The following GAS7 variants were observed in gnomAD, a reference collection of about 807,000 sequenced individuals.
The protein encoded by GAS7 is growth arrest specific 7.
In GAS7, 28 loss-of-function variants were observed where a neutral mutation model predicts 71.1. The observed-to-expected ratio is 0.39, with a 90% confidence interval of 0.29 to 0.54. The LOEUF (loss-of-function observed/expected upper bound fraction) is 0.54, where lower values mean the gene tolerates loss of function less well. Among genes scored for constraint, GAS7 ranks in the 20% least tolerant of loss-of-function variants. The pLI, the probability that GAS7 is intolerant of heterozygous loss-of-function variation, is 0.62. For missense variants in GAS7, 436 were observed against 627.8 expected (o/e 0.69, Z 3.27); for synonymous variants, 258 against 245.8 (o/e 1.05, Z -0.46).
At position 10,150,591 on chromosome 17, in the gene GAS7, C is replaced by T. The variant is rs117912545; in HGVS notation, c.183+47617G>A. Among the ~76,000 whole-genome samples the T allele has an allele frequency of 1.9e-3, 231 of 118,798 alleles. No homozygotes were observed. In the Middle Eastern group the frequency reaches 0.028, roughly 14 times the overall value. 77.9% of individuals were successfully genotyped at this position (118,798 alleles called of 152,430 possible). A position where few individuals can be genotyped will look rare whatever the true frequency, so the allele number is the denominator to read the frequency against. On this transcript the variant is annotated intron_variant, in intron 1 of 13. Coordinates refer to ENST00000432992, the MANE Select transcript of GAS7 (RefSeq NM_201433.2). ...ACTCAGTAATGAGGCTGTTACATTTCTTTTTTTTTTTTTTTTAGACAGGGT... is the reference window on the plus strand; with the variant it reads ...ACTCAGTAATGAGGCTGTTACATTTTTTTTTTTTTTTTTTTTAGACAGGGT...
At chr17:9,936,521 G>A (rs1406513079) in intron 8 of GAS7, among the ~76,000 whole-genome samples, 1 of 152,156 alleles carries the variant, frequency 6.6e-6, no homozygotes, top group Non-Finnish European at 1.5e-5. Context: ...CTCCAGGCCA[G>A]ACACTGCTAA....
chr17:10,191,034 G>T (rs1207272858), intron 1 of GAS7, among the ~76,000 whole-genome samples: 1 of 151,996 alleles, frequency 6.6e-6, no homozygotes, highest in Non-Finnish European at 1.5e-5. Context: ...AACTAGCCGG[G>T]TGTGGTGGCG....
chr17:10,111,588 G>A (rs899942772), intron 1 of GAS7, among the ~76,000 whole-genome samples: 5 of 151,968 alleles, frequency 3.3e-5, no homozygotes, highest in Admixed American at 6.6e-5. Flanking sequence ...GGAGGCTGAG[G>A]CAGGAGAATC....
At chr17:10,196,458 TGA>T (rs1468590123) in intron 1 of GAS7, among the ~76,000 whole-genome samples, 1 of 152,208 alleles carries the variant, frequency 6.6e-6, no homozygotes, top group Non-Finnish European at 1.5e-5. Context: ...AGGAATGGTC[TGA>T]GAGGCCCTGA....
chr17:10,005,497 A>G (rs2071494490), intron 2 of GAS7, among the ~76,000 whole-genome samples: 1 of 136,476 alleles, frequency 7.3e-6, no homozygotes, highest in Non-Finnish European at 1.5e-5. Context: ...AGCCCAGTTG[A>G]GTATTAAAAA....
chr17:10,121,140 C>A (rs921952333), intron 1 of GAS7, among the ~76,000 whole-genome samples: 9 of 152,034 alleles, frequency 5.9e-5, no homozygotes, highest in African/African-American at 2.2e-4. Flanking sequence ...CAGCACTTTG[C>A]GAGGCCGAGG....
intron 6 of GAS7, 26 bp downstream of exon 6, chr17:9,946,868 G>A: frequency 1.3e-6 from 2 of 1,519,368 alleles, no homozygotes; most frequent in Non-Finnish European, 1.8e-6. Flanking sequence ...GGGTCACGCT[G>A]TGGGGGAAAC....
intron 1 of GAS7, among the ~76,000 whole-genome samples, chr17:10,096,678 T>C (rs1364719309): frequency 6.6e-6 from 1 of 152,266 alleles, no homozygotes; most frequent in Non-Finnish European, 1.5e-5. Flanking sequence ...CTCCATTTCA[T>C]GGGGCTTCAT....
At chr17:10,073,344 G>A (rs2073360220) in intron 1 of GAS7, among the ~76,000 whole-genome samples, 2 of 152,134 alleles carry the variant, frequency 1.3e-5, no homozygotes, top group African/African-American at 2.4e-5. Context: ...AAAGTCAAGG[G>A]GCACTCCTCC....
intron 3 of GAS7, among the ~76,000 whole-genome samples, chr17:9,975,405 T>C (rs2152123383): frequency 6.6e-6 from 1 of 152,166 alleles, no homozygotes; most frequent in South Asian, 2.1e-4. Flanking sequence ...GCTGAAGCCC[T>C]GGTTCTTGAA....
intron 1 of GAS7, among the ~76,000 whole-genome samples, chr17:10,183,426 C>T (rs2074430421): frequency 6.6e-6 from 1 of 152,172 alleles, no homozygotes; most frequent in African/African-American, 2.4e-5. Flanking sequence ...CAGCATCCAA[C>T]TATGATCACC....
chr17:10,077,787 T>C (rs1597777710), intron 1 of GAS7, among the ~76,000 whole-genome samples: 1 of 152,138 alleles, frequency 6.6e-6, no homozygotes, highest in South Asian at 2.1e-4. Flanking sequence ...AGGAAGCTAC[T>C]GCAGGGTGTG....
chr17:9,996,930 G>A (rs1467921558), intron 2 of GAS7, among the ~76,000 whole-genome samples: 3 of 150,858 alleles, frequency 2.0e-5, no homozygotes, highest in African/African-American at 5.0e-5. Context: ...ATGAGCCACC[G>A]CGCCAGGCCA....
At chr17:10,035,384 G>A (rs1180712954) in intron 1 of GAS7, among the ~76,000 whole-genome samples, 5 of 152,162 alleles carry the variant, frequency 3.3e-5, no homozygotes, top group African/African-American at 1.2e-4. Context: ...CCCAGCACCG[G>A]ATCTTACATT....
At chr17:10,046,692 C>A (rs180746589) in intron 1 of GAS7, among the ~76,000 whole-genome samples, 1 of 145,644 alleles carries the variant, frequency 6.9e-6, no homozygotes, top group African/African-American at 2.6e-5. Context: ...GCCGAGATCA[C>A]GCCACTGCAC....
intron 1 of GAS7, among the ~76,000 whole-genome samples, chr17:10,087,687 G>A (rs2073534478): frequency 6.6e-6 from 1 of 152,244 alleles, no homozygotes; most frequent in Non-Finnish European, 1.5e-5. Context: ...CTGCAATGGG[G>A]TCCTGGGGGA....
chr17:10,023,523 C>T (rs1283639266), intron 1 of GAS7, among the ~76,000 whole-genome samples: 1 of 152,058 alleles, frequency 6.6e-6, no homozygotes, highest in East Asian at 1.9e-4. Context: ...AAAATGGAGC[C>T]GTGATACATG....
intron 1 of GAS7, among the ~76,000 whole-genome samples, chr17:10,119,211 A>G (rs1287239339): frequency 2.6e-5 from 4 of 152,224 alleles, no homozygotes; most frequent in Non-Finnish European, 5.9e-5. Context: ...GGAATAGAAC[A>G]TGGTAAAGGG....
intron 1 of GAS7, among the ~76,000 whole-genome samples, chr17:10,159,098 T>TATATATATATATATATATATATA (rs1555538321): frequency 8.8e-5 from 4 of 45,508 alleles, no homozygotes; most frequent in South Asian, 8.0e-4. Context: ...ATATATATAT[T>TATATATATATATATATATATATA]AAAGATAACA....
Sources: allele counts gnomAD v4.1 joint callset (sites outside exome capture counted in the v4.1 genomes callset), GRCh38; gene constraint gnomAD v4.1.1; transcripts MANE v1.5; gene names NCBI Gene and HGNC (gene_info 2026-07-23, HGNC 2026-07-21).